Variants in COP1 observed in about 807,000 individuals in gnomAD.
COP1 encodes the protein COP1 E3 ubiquitin ligase, also known as E3 ubiquitin-protein ligase COP1.
A neutral mutation model predicts 101.3 loss-of-function variants in COP1; 24 were observed. The ratio of observed to expected loss-of-function variants is 0.24; its 90% CI spans 0.17 to 0.33. The LOEUF is 0.33. Among genes scored for constraint, COP1 ranks in the 10% least tolerant of loss-of-function variants. COP1 has a pLI of 1.00. For missense variants in COP1, 663 were observed against 906.2 expected (o/e 0.73, Z 3.45); for synonymous variants, 347 against 341.9 (o/e 1.01, Z -0.17).
chr1:176,026,765 A>ATTTTTTT (rs892346183), intron 15 of COP1, among the ~76,000 whole-genome samples: 1 of 151,020 alleles, frequency 6.6e-6, no homozygotes, highest in Admixed American at 6.6e-5. Context: ...GCTAACTTGT[A>ATTTTTTT]TTTTTTTTTG....
chr1:176,154,928 T>C (rs1428608281), intron 5 of COP1, among the ~76,000 whole-genome samples: 4 of 152,192 alleles, frequency 2.6e-5, no homozygotes, highest in African/African-American at 7.2e-5. Flanking sequence ...ATAATTTTAA[T>C]AGAAAATTTT....
intron 15 of COP1, among the ~76,000 whole-genome samples, chr1:175,992,599 G>A (rs770151286): frequency 5.6e-4 from 86 of 152,322 alleles, no homozygotes; most frequent in Non-Finnish European, 7.9e-4. Flanking sequence ...ATTATATCCC[G>A]CACCTGGCTC....
chr1:176,017,847 T>C (rs948361653), intron 15 of COP1, among the ~76,000 whole-genome samples: 5 of 152,158 alleles, frequency 3.3e-5, no homozygotes, highest in Admixed American at 2.0e-4. Flanking sequence ...TTAATAGCAA[T>C]ACTTAAACCA....
intron 15 of COP1, among the ~76,000 whole-genome samples, chr1:176,004,630 C>T (rs375326892): frequency 1.1e-4 from 16 of 151,852 alleles, no homozygotes; most frequent in South Asian, 2.1e-4. Flanking sequence ...TTGTCTTTGG[C>T]TCTGTTTATA....
chr1:176,118,642 G>A (rs185560573), intron 8 of COP1, among the ~76,000 whole-genome samples: 1 of 152,222 alleles, frequency 6.6e-6, no homozygotes, highest in East Asian at 1.9e-4. Flanking sequence ...TGGGGTTCCA[G>A]CTACTCAGGA....
chr1:176,064,032 C>T (rs1040992947), intron 11 of COP1, among the ~76,000 whole-genome samples: 1 of 152,174 alleles, frequency 6.6e-6, no homozygotes, highest in Non-Finnish European at 1.5e-5. Flanking sequence ...TGTAGCAGTA[C>T]ATCCTTAGAG....
At chr1:176,078,618 C>CAAA (rs71129549) in intron 11 of COP1, among the ~76,000 whole-genome samples, 1 of 143,834 alleles carries the variant, frequency 7.0e-6, no homozygotes. Context: ...AAAGCAATTG[C>CAAA]AAAAAAAAAA....
chr1:176,130,335 A>G (rs1688684058), intron 8 of COP1, among the ~76,000 whole-genome samples: 1 of 151,802 alleles, frequency 6.6e-6, no homozygotes, highest in Admixed American at 6.6e-5. Flanking sequence ...AATAAGTAAA[A>G]GAGACTATGC....
chr1:176,043,314 A>C, intron 13 of COP1, 47 bp from the exon 14 acceptor site: 397 of 1,127,768 alleles, frequency 3.5e-4, no homozygotes, highest in Non-Finnish European at 4.7e-4. Flanking sequence ...TACAGATCTC[A>C]AAATGAATAA....
chr1:176,056,843 T>C (rs1673586051), intron 11 of COP1, among the ~76,000 whole-genome samples: 1 of 152,204 alleles, frequency 6.6e-6, no homozygotes, highest in South Asian at 2.1e-4. Flanking sequence ...GTAGTATTTC[T>C]GTCTAGTGAC....
intron 12 of COP1, among the ~76,000 whole-genome samples, chr1:176,045,820 T>C (rs1671421791): frequency 1.3e-5 from 2 of 152,018 alleles, no homozygotes; most frequent in Admixed American, 1.3e-4. Flanking sequence ...TTGAGATATG[T>C]GCAGGCTAGG....
intron 11 of COP1, among the ~76,000 whole-genome samples, chr1:176,054,140 A>C (rs915645835): frequency 6.7e-6 from 1 of 149,436 alleles, no homozygotes; most frequent in Non-Finnish European, 1.5e-5. Context: ...ATACCTTCAT[A>C]ATCACTCTCA....
chr1:176,171,815 A>C (rs1696112347), intron 3 of COP1, among the ~76,000 whole-genome samples: 1 of 152,238 alleles, frequency 6.6e-6, no homozygotes, highest in Non-Finnish European at 1.5e-5. Flanking sequence ...GAAATAGATT[A>C]TAAGGATAAA....
intron 15 of COP1, among the ~76,000 whole-genome samples, chr1:176,011,923 A>C (rs1028086686): frequency 1.3e-5 from 1 of 77,314 alleles, no homozygotes; most frequent in Admixed American, 1.3e-4. Context: ...TACTGTATAC[A>C]ATATATGATA....
At chr1:176,033,034 A>T (rs1438890772) in intron 14 of COP1, among the ~76,000 whole-genome samples, 1 of 152,224 alleles carries the variant, frequency 6.6e-6, no homozygotes, top group African/African-American at 2.4e-5. Context: ...CATTACAATC[A>T]GCATGAGTTT....
chr1:176,175,979 C>T lies in COP1; in HGVS notation c.496G>A (p.Asp166Asn), dbSNP rs908495911. 6.3e-7 allele frequency: 1 copy of T among 1,584,066 alleles called. No homozygotes were observed. The highest frequency in any genetic ancestry group is 8.7e-7 in the Non-Finnish European group (1 of 1,155,604). Residue 166 changes from aspartate to asparagine, a missense_variant, in exon 3 of 20, where the codon GAC (aspartate) becomes AAC (asparagine). Asp to Asn is a conservative substitution (Grantham distance 23). Around this residue, in one of 4 missense-constraint regions of COP1, gnomAD observed 38 missense variants for 78.5 expected, o/e 0.48. Coordinates refer to ENST00000367669, the MANE Select transcript of COP1 (RefSeq NM_022457.7). ...TTACACTTGGGACATCTATTATTGT[C>T]CTCCAAACTCTGATGAATACACTTG... Reference protein sequence around the residue: ...CYKCIHQSLEDNNRCPKCNYV... With the variant: ...CYKCIHQSLENNNRCPKCNYV...
At chr1:176,034,672 A>G (rs906560031) in intron 14 of COP1, among the ~76,000 whole-genome samples, 3 of 152,196 alleles carry the variant, frequency 2.0e-5, no homozygotes, top group Admixed American at 2.0e-4. Flanking sequence ...AGTTCTGTGC[A>G]TTCACTGGCA....
At chr1:176,019,966 T>C (rs1038638884) in intron 15 of COP1, among the ~76,000 whole-genome samples, 2 of 152,270 alleles carry the variant, frequency 1.3e-5, no homozygotes, top group Middle Eastern at 3.4e-3. Flanking sequence ...AAGGAAGAAA[T>C]ATGTTGCCCT....
At chr1:176,080,508 A>T (rs983713704) in intron 11 of COP1, among the ~76,000 whole-genome samples, 9 of 152,232 alleles carry the variant, frequency 5.9e-5, no homozygotes, top group Non-Finnish European at 1.0e-4. Context: ...TAAAACTGAT[A>T]ATCTTCTAAG....
Sources: gnomAD v4.1 joint callset for allele counts (sites outside exome capture counted in the v4.1 genomes callset) on GRCh38, gnomAD v4.1.1 for gene constraint, gnomAD v4.1.1 regional missense constraint, MANE v1.5 for transcripts, NCBI Gene and HGNC (gene_info 2026-07-23, HGNC 2026-07-21) for gene names.